Variants in ZZZ3 observed in about 807,000 individuals in gnomAD.
ZZZ3 encodes the protein ZZ-type zinc finger-containing protein 3.
In ZZZ3, 22 loss-of-function variants were observed where a neutral mutation model predicts 95.2. The observed-to-expected ratio is 0.23, with a 90% CI of 0.17 to 0.33. The LOEUF is 0.33. Among genes scored for constraint, ZZZ3 ranks in the 10% least tolerant of loss-of-function variants. The pLI is 1.00. For missense variants in ZZZ3, 885 were observed against 1,066.5 expected (o/e 0.83, Z 2.37); for synonymous variants, 335 against 358.9 (o/e 0.93, Z 0.75).
chr1:77,654,185 CA>C (rs749067016), intron 1 of ZZZ3, among the ~76,000 whole-genome samples: 1,466 of 66,338 alleles, frequency 0.022, 15 homozygotes, highest in South Asian at 0.099. Context: ...GACTCCATCT[CA>C]AAAAAAAAAA....
chr1:77,632,390 CCCA>C lies in ZZZ3; in HGVS notation c.962_964del (p.Val321del), dbSNP rs757957314. On this transcript the variant is annotated inframe_deletion, in exon 5 of 15. Coordinates refer to ENST00000370801, the MANE Select transcript of ZZZ3 (RefSeq NM_015534.6). Reference sequence around the variant, plus strand: ...CTGCTCTTTTGAGGCACTGCTATCTCCCACCACATCTACTTCCTCCTCAGAATC... The same window carrying C: ...CTGCTCTTTTGAGGCACTGCTATCTCCCACATCTACTTCCTCCTCAGAATC... 3.7e-5 allele frequency: 59 copies of C among 1,613,992 alleles called. No individual in the cohort carries two copies. In the Middle Eastern group the frequency reaches 6.6e-4, roughly 18 times the overall value.
intron 9 of ZZZ3, 52 bp from the exon 10 acceptor site, chr1:77,579,680 A>G (rs1399405380): frequency 9.4e-7 from 1 of 1,069,154 alleles, no homozygotes; most frequent in Non-Finnish European, 1.4e-6. Flanking sequence ...AATTTTAAAT[A>G]TTGGATTTCT....
At chr1:77,583,811 T>A (rs1049974784) in intron 6 of ZZZ3, among the ~76,000 whole-genome samples, 2 of 152,122 alleles carry the variant, frequency 1.3e-5, no homozygotes, top group African/African-American at 4.8e-5. Flanking sequence ...CCTCTCAAAT[T>A]TAATGAACAA....
At chr1:77,650,275 CTT>C (rs779612378) in intron 1 of ZZZ3, among the ~76,000 whole-genome samples, 33 of 152,190 alleles carry the variant, frequency 2.2e-4, no homozygotes, top group South Asian at 2.1e-4. Flanking sequence ...CAGATTTAAA[CTT>C]TATCAAAAAT....
Position 77,632,443 on chromosome 1 carries a change from A to G in ZZZ3, c.912T>C (p.Phe304=). 6.2e-7 allele frequency: 1 copy of G among 1,614,130 alleles called. No individual in the cohort carries two copies. The highest frequency in any genetic ancestry group is 8.5e-7 in the Non-Finnish European group (1 of 1,179,998). The part of the protein sequence containing the change: ...QLTTEPATGP[F]SETQSSLRDS... ...CCCTTAAAGATGACTGAGTTTCAGA[A>G]AAGGGCCCTGTAGCTGGCTCAGTAG... Residue 304 remains phenylalanine (F), a synonymous_variant, in exon 5 of 15, where the codon TTT becomes TTC. Coordinates refer to ENST00000370801, the MANE Select transcript of ZZZ3 (RefSeq NM_015534.6).
At chr1:77,667,270 G>C (rs1349646018) in intron 1 of ZZZ3, among the ~76,000 whole-genome samples, 1 of 152,132 alleles carries the variant, frequency 6.6e-6, no homozygotes, top group Non-Finnish European at 1.5e-5. Flanking sequence ...ACACTTCATT[G>C]CTCTAAGTAT....
At chr1:77,676,514 G>A (rs180798848) in intron 1 of ZZZ3, among the ~76,000 whole-genome samples, 1 of 152,252 alleles carries the variant, frequency 6.6e-6, no homozygotes, top group Admixed American at 6.5e-5. Flanking sequence ...CAAAAAGGGG[G>A]AAATTTTCAT....
In ZZZ3 at chr1:77,578,760, G is replaced by C; in HGVS notation, c.2178+14C>G. The C allele has an allele frequency of 7.0e-7, 1 of 1,436,070 alleles. No homozygotes were observed. The highest frequency in any genetic ancestry group is 2.4e-4 in the Middle Eastern group (1 of 4,204). 89.0% of individuals were successfully genotyped at this position (1,436,070 alleles called of 1,614,324 possible). A position where few individuals can be genotyped will look rare whatever the true frequency, so the allele number is the denominator to read the frequency against. On this transcript the variant is annotated intron_variant, in intron 11 of 14. Transcript: ENST00000370801. The stretch of plus-strand genomic sequence containing the variant: ...AATTTAATCTACAGTTTACTTTCAT[G>C]TATTTTCTTTTACCTTTTTGGAGTA...
intron 12 of ZZZ3, among the ~76,000 whole-genome samples, chr1:77,574,137 C>T (rs1352014183): frequency 6.8e-6 from 1 of 147,276 alleles, no homozygotes; most frequent in African/African-American, 2.5e-5. Flanking sequence ...GATAGATTTA[C>T]ATATAGATAT....
chr1:77,657,492 G>A (rs570882701), intron 1 of ZZZ3, among the ~76,000 whole-genome samples: 10 of 152,272 alleles, frequency 6.6e-5, no homozygotes, highest in Admixed American at 6.5e-5. Context: ...CTAGAACAAG[G>A]CAGCAGAGAG....
Position 77,632,887 on chromosome 1 carries a change from A to G in ZZZ3, c.468T>C (p.Asp156=). 1.2e-6 allele frequency: 2 copies of G among 1,614,132 alleles called. No individual in the cohort carries two copies. Among genetic ancestry groups the G allele is most frequent in the Non-Finnish European group, 1.7e-6 (2 of 1,180,022 alleles). The change falls in exon 5 of 15, where the codon GAT becomes GAC. Residue 156 remains aspartate (D), a synonymous_variant. Transcript: ENST00000370801. ...QRSTVVDNDA[D]FQGTKRACRC... is the part of the protein sequence containing the mutation. ...GACAAGCTCGTTTAGTCCCTTGAAA[A>G]TCTGCATCATTGTCCACTACTGTAC... is the stretch of plus-strand genomic sequence containing the variant.
At chr1:77,626,746 C>T (rs1336819854) in intron 5 of ZZZ3, among the ~76,000 whole-genome samples, 2 of 152,174 alleles carry the variant, frequency 1.3e-5, no homozygotes, top group South Asian at 2.1e-4. Context: ...TGAGAAGGTA[C>T]ACCAAGCATG....
At chr1:77,597,083 A>C (rs1179663554) in intron 5 of ZZZ3, among the ~76,000 whole-genome samples, 5 of 152,106 alleles carry the variant, frequency 3.3e-5, no homozygotes, top group African/African-American at 1.2e-4. Context: ...TAAGGGAGGA[A>C]ATATACAAAA....
chr1:77,633,253 C>T lies in ZZZ3; in HGVS notation c.102G>A (p.Ala34=), dbSNP rs143272664. 1,827 of 1,614,024 alleles carry T rather than the reference C, an allele frequency of 1.1e-3. 4 individuals carry two copies. The highest frequency in any genetic ancestry group is 2.1e-3 in the South Asian group (192 of 91,076). ...AATTAGAAGAGATTTCTTCAGGATG[C>T]GCAATGCTACGATTCCTTAAAGTTC... ...CGRTLRNRSI[A]HPEEISSNSQ... Residue 34 remains alanine (A), a synonymous_variant, in exon 5 of 15, where the codon GCG becomes GCA. Coordinates refer to ENST00000370801, the MANE Select transcript of ZZZ3 (RefSeq NM_015534.6).
chr1:77,588,391 T>G (rs1351081064), intron 5 of ZZZ3, among the ~76,000 whole-genome samples: 1 of 151,946 alleles, frequency 6.6e-6, no homozygotes, highest in East Asian at 1.9e-4. Flanking sequence ...GAATATTTAG[T>G]CAAGAAATGA....
At chr1:77,631,544 A>G (rs115775405) in intron 5 of ZZZ3, among the ~76,000 whole-genome samples, 1,597 of 152,278 alleles carry the variant, frequency 0.01, 12 homozygotes, top group Non-Finnish European at 0.015. Flanking sequence ...ATGTGTTTCC[A>G]TTGTATAAAT....
chr1:77,578,562 T>A (rs1049534872), intron 11 of ZZZ3, among the ~76,000 whole-genome samples: 1 of 152,176 alleles, frequency 6.6e-6, no homozygotes, highest in Non-Finnish European at 1.5e-5. Context: ...CTCATTCACA[T>A]TACTCCAAAG....
At chr1:77,636,469 T>C (rs777558028) in intron 4 of ZZZ3, among the ~76,000 whole-genome samples, 4 of 152,110 alleles carry the variant, frequency 2.6e-5, no homozygotes, top group Non-Finnish European at 5.9e-5. Flanking sequence ...TCCCAGGACT[T>C]TGGGAAACCG....
chr1:77,584,438 A>T, intron 6 of ZZZ3, 79 bp downstream of exon 6: 1 of 1,426,450 alleles, frequency 7.0e-7, no homozygotes, highest in Non-Finnish European at 9.4e-7. Context: ...GTATATACCC[A>T]TAAAAAAGAA....
Sources: allele counts gnomAD v4.1 joint callset (sites outside exome capture counted in the v4.1 genomes callset), GRCh38; gene constraint gnomAD v4.1.1; transcripts MANE v1.5; gene names NCBI Gene and HGNC (gene_info 2026-07-23, HGNC 2026-07-21).